ZNF117: variants seen among roughly 807,000 people sequenced by gnomAD.
ZNF117 encodes the protein Krueppel-related zinc finger protein.
Under a neutral mutation model 41.2 loss-of-function variants are expected in ZNF117, and 37 were observed. The observed-to-expected ratio is 0.90, with a 90% CI of 0.69 to 1.18. The LOEUF (loss-of-function observed/expected upper bound fraction) is 1.18, where lower values mean the gene tolerates loss of function less well. ZNF117 is among the 50% of genes most tolerant of loss of function. ZNF117 has a pLI of 0.00. For missense variants in ZNF117, 546 were observed against 557.5 expected, an observed-to-expected ratio of 0.98 and a Z score of 0.21; for synonymous variants, 186 against 186.6, an observed-to-expected ratio of 1.00 and a Z score of 0.02.
chr7:64,978,616 T>C, exon 3 of ZNF117: 7 of 1,612,362 alleles, frequency 4.3e-6, no homozygotes, highest in Non-Finnish European at 5.9e-6. Flanking sequence ...TCAGTAAGAT[T>C]TGAAAATTGT....
upstream of ZNF117, among the ~76,000 whole-genome samples, chr7:64,984,992 A>G (rs185461056): frequency 6.6e-6 from 1 of 151,732 alleles, no homozygotes; most frequent in Admixed American, 6.6e-5. Context: ...GAGTTTTGCC[A>G]TGTCGGCAAG....
rs1786032679 is a variant in ZNF117, at chr7:64,981,483, C to A, written c.-62-1G>T. 6.3e-7 allele frequency: 1 copy of A among 1,575,886 alleles called. No individual in the cohort carries two copies. Among genetic ancestry groups the A allele is most frequent in the Non-Finnish European group, 8.7e-7 (1 of 1,146,590 alleles). ...AGGTCTGGCTTAGAGACAGCAATAC[C>A]TGTTTTATTGAAAATAAATAACATA... On this transcript the variant is annotated splice_acceptor_variant, in intron 1 of 2. Coordinates refer to ENST00000620222, the Ensembl canonical transcript of ZNF117. LOFTEE classifies it low-confidence loss of function (5UTR_SPLICE).
chr7:64,972,489 A>G (rs1584041939), downstream of ZNF117: 1 of 152,066 alleles, frequency 6.6e-6, no homozygotes, highest in African/African-American at 2.4e-5. Flanking sequence ...ATTATTTTCA[A>G]TCACATGAAT....
exon 3 of ZNF117, chr7:64,978,374 G>A (rs372241273): frequency 6.2e-7 from 1 of 1,613,360 alleles, no homozygotes; most frequent in East Asian, 2.2e-5. Flanking sequence ...TTGAGGATAG[G>A]TGGAAAACTT....
intron 2 of ZNF117, 141 bp downstream of exon 3, chr7:64,981,246 A>T: frequency 9.9e-7 from 1 of 1,007,552 alleles, no homozygotes; most frequent in Non-Finnish European, 1.5e-6. Context: ...GTTCTATGTG[A>T]GAGAAAAATA....
chr7:64,977,145 TAC>T lies in ZNF117; in HGVS notation c.*972_*973del, dbSNP rs1216347896. ...AGCTTTACCACATTCTTTACATTTG[TAC>T]AGTTTCTCTCCAGTATGAATTACCT... On this transcript the variant is annotated 3_prime_UTR_variant, in exon 3 of 3. Transcript: ENST00000620222. 1.6e-5 allele frequency: 8 copies of T among 485,362 alleles called. No individual in the cohort carries two copies. The Admixed American group carries it at 1.8e-4, about 11-fold the overall frequency. The allele number at this position is 485,362 out of a possible 1,614,324, so 30.1% of individuals were successfully genotyped here.
chr7:64,989,443 TTATATATA>T (rs58009024), intron 1 of ZNF117, among the ~76,000 whole-genome samples: 931 of 49,222 alleles, frequency 0.019, 38 homozygotes, highest in Admixed American at 0.027. Context: ...GAACTTAAAA[TTATATATA>T]TATATATATA....
intron 1 of ZNF117, among the ~76,000 whole-genome samples, chr7:64,989,172 C>T (rs995553861): frequency 6.9e-6 from 1 of 145,750 alleles, no homozygotes; most frequent in Non-Finnish European, 1.5e-5. Context: ...CATATATACA[C>T]ATATACACAC....
exon 3 of ZNF117, chr7:64,978,495 T>G (rs1255390059): frequency 1.2e-6 from 2 of 1,613,486 alleles, no homozygotes; most frequent in Non-Finnish European, 1.7e-6. Flanking sequence ...TTTGTAGGGT[T>G]TCTCTCCAGT....
At chr7:64,975,901 A>G (rs2129117873) in exon 3 of ZNF117, 1 of 152,198 alleles carries the variant, frequency 6.6e-6, no homozygotes, top group East Asian at 1.9e-4. Flanking sequence ...CTGCAAAAAT[A>G]TATTTTAGTA....
chr7:64,989,474 T>TATATATATAC (rs1786210417), intron 1 of ZNF117, among the ~76,000 whole-genome samples: 9 of 110,062 alleles, frequency 8.2e-5, no homozygotes, highest in Admixed American at 8.1e-4. Context: ...TATATATATA[T>TATATATATAC]ATATATATAT....
chr7:64,984,318 G>A (rs367987282), upstream of ZNF117, among the ~76,000 whole-genome samples: 12 of 152,280 alleles, frequency 7.9e-5, no homozygotes, highest in East Asian at 1.9e-3. Context: ...TTTTAGTAGA[G>A]ACAGGGTTTC....
intron 2 of ZNF117, 85 bp from the exon 4 acceptor site, chr7:64,979,621 A>G: frequency 9.0e-7 from 1 of 1,105,752 alleles, no homozygotes; most frequent in South Asian, 2.7e-5. Context: ...AAGTTACAGA[A>G]ACTACATAAG....
At chr7:64,976,842 T>A in exon 3 of ZNF117, 1 of 424,434 alleles carries the variant, frequency 2.4e-6, no homozygotes, top group South Asian at 1.7e-5. Context: ...AATTTTCTTA[T>A]GTTTAGTAAA....
rs577002989 is a variant in ZNF117, at chr7:64,978,743, C to G, written c.828G>C (p.Leu276=). 3.1e-6 allele frequency: 5 copies of G among 1,610,646 alleles called. No individual in the cohort carries two copies. In the South Asian group the frequency reaches 5.5e-5, roughly 18 times the overall value. ...CTTTACCACATTCTTCACATTTGTACAGCTTCTCTCCAGTATGAATGTACT... is the reference window on the plus strand; with the variant it reads ...CTTTACCACATTCTTCACATTTGTAGAGCTTCTCTCCAGTATGAATGTACT... Residue 276 remains leucine (L), a synonymous_variant, in exon 3 of 3, where the codon CTG becomes CTC. Transcript: ENST00000620222.
At chr7:64,984,070 C>T (rs1014462226), upstream of ZNF117, among the ~76,000 whole-genome samples, 5 of 152,320 alleles carry the variant, frequency 3.3e-5, no homozygotes, top group Admixed American at 1.3e-4. Context: ...ATCTCTGCTG[C>T]TCTCTCTTCT....
At chr7:64,982,680 G>A (rs1041855400), upstream of ZNF117, among the ~76,000 whole-genome samples, 4 of 152,074 alleles carry the variant, frequency 2.6e-5, no homozygotes, top group African/African-American at 9.7e-5. Flanking sequence ...AGTTTTTCTG[G>A]CCTGTAAAAA....
At chr7:64,986,370 C>CA (rs1786136428), upstream of ZNF117, among the ~76,000 whole-genome samples, 1 of 152,110 alleles carries the variant, frequency 6.6e-6, no homozygotes, top group African/African-American at 2.4e-5. Flanking sequence ...TAGGGAAAAA[C>CA]AGTCATTCAT....
At chr7:64,972,351 A>G (rs1318321205), downstream of ZNF117, 1 of 152,114 alleles carries the variant, frequency 6.6e-6, no homozygotes. Context: ...TTATGCTTCT[A>G]TGTTGTTTGC....
Sources: allele counts gnomAD v4.1 joint callset (sites outside exome capture counted in the v4.1 genomes callset), GRCh38; gene constraint gnomAD v4.1.1; transcripts MANE v1.5; gene names NCBI Gene and HGNC (gene_info 2026-07-23, HGNC 2026-07-21).